TAS2R1: variants seen among roughly 807,000 people sequenced by gnomAD.
TAS2R1 encodes the protein taste 2 receptor member 1, also known as taste receptor type 2 member 1.
For missense variants in TAS2R1, 370 were observed against 353.4 expected, an observed-to-expected ratio of 1.05 and a Z score of -0.38; for synonymous variants, 141 against 134.2, an observed-to-expected ratio of 1.05 and a Z score of -0.35.
chr5:9,819,590 G>A, the TAS2R1 span, among the ~76,000 whole-genome samples: 1 of 152,170 alleles, frequency 6.6e-6, no homozygotes, highest in African/African-American at 2.4e-5. Flanking sequence ...CAGTTGTCTG[G>A]ATGAGCTTAG....
intron 2 of TAS2R1, among the ~76,000 whole-genome samples, chr5:9,652,291 G>A (rs765764707): frequency 1.6e-4 from 25 of 152,182 alleles, no homozygotes; most frequent in Non-Finnish European, 2.6e-4. Flanking sequence ...CAGTTCTCAT[G>A]AGTATCTGAG....
chr5:9,875,691 C>T, the TAS2R1 span, among the ~76,000 whole-genome samples: 4,301 of 152,222 alleles, frequency 0.028, 185 homozygotes, highest in African/African-American at 0.099. Context: ...TGTGTGGCTG[C>T]GCTCGAATGG....
rs1355991548 is a variant in TAS2R1, at chr5:9,629,363, T to A, written c.670A>T (p.Ile224Phe). ...GSRVPGRGAP[I>F]SALLSILSFL... ...GACAGGATAGACAGCAACGCGCTGA[T>A]GGGTGCACCCCTGCCAGGAACCCTG... Residue 224 changes from isoleucine (I) to phenylalanine (F), a missense_variant, in exon 1 of 1, where the codon ATC (isoleucine) becomes TTC (phenylalanine). Transcript: ENST00000382492. 6.2e-7 allele frequency: 1 copy of A among 1,614,084 alleles called. No homozygotes were observed. Among genetic ancestry groups the A allele is most frequent in the African/African-American group, 1.3e-5 (1 of 75,044 alleles).
intron 1 of TAS2R1, among the ~76,000 whole-genome samples, chr5:9,711,838 A>ATT (rs34825763): frequency 0.19 from 28,310 of 150,888 alleles, 3,020 homozygotes; most frequent in South Asian, 0.27. Context: ...AATTTTTTGT[A>ATT]TTTTTTTAGT....
the TAS2R1 span, among the ~76,000 whole-genome samples, chr5:9,820,070 C>T: frequency 1.3e-5 from 2 of 151,966 alleles, no homozygotes; most frequent in African/African-American, 2.4e-5. Context: ...CCAGAAATCA[C>T]ATTTATATCC....
chr5:9,701,666 T>G (rs1579791023), intron 1 of TAS2R1, among the ~76,000 whole-genome samples: 1 of 152,358 alleles, frequency 6.6e-6, no homozygotes, highest in East Asian at 1.9e-4. Context: ...GTGTATTGAC[T>G]GCAAATACTT....
chr5:9,703,665 C>T (rs1025753249), intron 1 of TAS2R1, among the ~76,000 whole-genome samples: 1 of 152,134 alleles, frequency 6.6e-6, no homozygotes, highest in South Asian at 2.1e-4. Context: ...ACCATGTGAC[C>T]TTCCTCAGAA....
chr5:9,761,232 C>T, the TAS2R1 span, among the ~76,000 whole-genome samples: 1 of 152,196 alleles, frequency 6.6e-6, no homozygotes, highest in South Asian at 2.1e-4. Flanking sequence ...GGAGAAAATA[C>T]ATCTTCCTCT....
the TAS2R1 span, among the ~76,000 whole-genome samples, chr5:9,894,318 C>A: frequency 2.6e-5 from 4 of 151,994 alleles, no homozygotes; most frequent in Non-Finnish European, 5.9e-5. Context: ...GCAGGAGAAT[C>A]GCTTGAACCT....
chr5:9,787,102 A>C, the TAS2R1 span, among the ~76,000 whole-genome samples: 2 of 152,174 alleles, frequency 1.3e-5, no homozygotes, highest in African/African-American at 4.8e-5. Flanking sequence ...AGAGACAGAG[A>C]TGTTGCGCCA....
intron 2 of TAS2R1, among the ~76,000 whole-genome samples, chr5:9,636,107 G>T (rs1739958589): frequency 6.6e-6 from 1 of 151,950 alleles, no homozygotes; most frequent in Non-Finnish European, 1.5e-5. Flanking sequence ...TGCTTTTGCT[G>T]CATCCCAGAG....
At chr5:9,730,336 T>A in the TAS2R1 span, among the ~76,000 whole-genome samples, 1 of 152,216 alleles carries the variant, frequency 6.6e-6, no homozygotes, top group Admixed American at 6.5e-5. Context: ...GGAAGAGATT[T>A]CTATAGTATC....
chr5:9,631,750 T>C (rs1205683755), upstream of TAS2R1, among the ~76,000 whole-genome samples: 3 of 152,228 alleles, frequency 2.0e-5, no homozygotes, highest in Admixed American at 2.0e-4. Flanking sequence ...TTTAGAAAAC[T>C]GGAAGGGAAG....
chr5:9,845,235 G>C, the TAS2R1 span, among the ~76,000 whole-genome samples: 1 of 152,174 alleles, frequency 6.6e-6, no homozygotes, highest in Non-Finnish European at 1.5e-5. Flanking sequence ...ACCAAGGAAA[G>C]GCCATGTGAG....
At chr5:9,814,889 A>T in the TAS2R1 span, among the ~76,000 whole-genome samples, 1 of 152,148 alleles carries the variant, frequency 6.6e-6, no homozygotes, top group Non-Finnish European at 1.5e-5. Context: ...TACTGAGTGT[A>T]AACACTGTTA....
chr5:9,702,810 G>A (rs1438480430), intron 1 of TAS2R1, among the ~76,000 whole-genome samples: 1 of 152,010 alleles, frequency 6.6e-6, no homozygotes, highest in Non-Finnish European at 1.5e-5. Context: ...AGAAAGAGAG[G>A]AGCCAGCAAA....
At chr5:9,852,870 T>G in the TAS2R1 span, among the ~76,000 whole-genome samples, 26,124 of 152,116 alleles carry the variant, frequency 0.17, 2,604 homozygotes, top group Middle Eastern at 0.27. Flanking sequence ...TATATATGTC[T>G]CATTTAGCCC....
intron 2 of TAS2R1, among the ~76,000 whole-genome samples, chr5:9,651,124 G>A (rs1740297190): frequency 6.6e-6 from 1 of 152,184 alleles, no homozygotes; most frequent in Non-Finnish European, 1.5e-5. Flanking sequence ...GTGCTGTGGT[G>A]TGGAGAAATT....
the TAS2R1 span, among the ~76,000 whole-genome samples, chr5:9,899,238 T>C: frequency 6.6e-6 from 1 of 152,212 alleles, no homozygotes; most frequent in Non-Finnish European, 1.5e-5. Flanking sequence ...GAGTGACTAC[T>C]GTCTTCATTT....
Sources: gnomAD v4.1 joint callset for allele counts (sites outside exome capture counted in the v4.1 genomes callset) on GRCh38, gnomAD v4.1.1 for gene constraint, MANE v1.5 for transcripts, NCBI Gene and HGNC (gene_info 2026-07-23, HGNC 2026-07-21) for gene names.